AQP5: variants seen among roughly 807,000 people sequenced by gnomAD.
AQP5 encodes aquaporin 5, also known as aquaporin-5.
AQP5 carries 15 observed loss-of-function variants against 19.1 expected under a neutral mutation model. The ratio of observed to expected loss-of-function variants is 0.79; its 90% CI spans 0.53 to 1.21. The LOEUF is 1.21. Ranked by LOEUF, AQP5 falls within the 50% of genes most tolerant of loss-of-function variation. AQP5 has a pLI of 0.00. For missense variants in AQP5, 355 were observed against 357.1 expected (o/e 0.99, Z 0.05); for synonymous variants, 182 against 160.3 (o/e 1.14, Z -1.02).
rs1565641949 is a variant in AQP5 at position 49,965,295 on chromosome 12, T to A, written c.*118T>A. The A allele has an allele frequency of 8.1e-7, 1 of 1,233,210 alleles. No individual in the cohort carries two copies. The highest frequency in any genetic ancestry group is 1.5e-5 in the African/African-American group (1 of 65,612). The allele number at this position is 1,233,210 out of a possible 1,614,324, so 76.4% of individuals were successfully genotyped here. On this transcript the variant is annotated 3_prime_UTR_variant, in exon 4 of 4. Coordinates refer to ENST00000293599, the MANE Select transcript of AQP5 (RefSeq NM_001651.4). Reference sequence around the variant, plus strand: ...GTCCTCTTGGCTGAGGAGGAGGAGCTGGTCACCCTGGCTGCACAGTTAGAG... The same window carrying A: ...GTCCTCTTGGCTGAGGAGGAGGAGCAGGTCACCCTGGCTGCACAGTTAGAG...
In AQP5 at chr12:49,962,391, T is replaced by TGG. The variant is rs3832811; in HGVS notation, c.363+20_363+21dup. The stretch of plus-strand genomic sequence containing the variant: ...CTGGCCGTCAACGCGGTGAGTGCCC[T>TGG]GGGGGGGGGGTGGGAGCCTCGACCC... On this transcript the variant is annotated intron_variant, in intron 1 of 3. Transcript: ENST00000293599. The TGG allele has an allele frequency of 4.8e-4, 743 of 1,536,702 alleles. 7 individuals carry two copies. In the African/African-American group the frequency reaches 9.6e-3, roughly 20 times the overall value.
Position 49,963,406 on chromosome 12 carries a change from C to G in AQP5, c.364-86C>G, listed in dbSNP as rs568426637. 1.0e-5 allele frequency: 16 copies of G among 1,548,466 alleles called. No homozygotes were observed. The African/African-American group carries it at 1.8e-4, about 17-fold the overall frequency. ...CCAGGTGCCAAGGTGCTCTAAGTGTCCCTGGAGGCCAAAAGCCCTACTCCC... is the reference window on the plus strand; with the variant it reads ...CCAGGTGCCAAGGTGCTCTAAGTGTGCCTGGAGGCCAAAAGCCCTACTCCC... On this transcript the variant is annotated intron_variant, in intron 1 of 3. Transcript: ENST00000293599.
In AQP5 at chr12:49,961,886, G is replaced by T. The variant is rs1027035143; in HGVS notation, c.-132G>T. 2.5e-6 allele frequency: 1 copy of T among 396,894 alleles called. No individual in the cohort carries two copies. Among genetic ancestry groups the T allele is most frequent in the South Asian group, 1.0e-4 (1 of 10,040 alleles). 24.6% of individuals were successfully genotyped at this position (396,894 alleles called of 1,614,324 possible). On this transcript the variant is annotated 5_prime_UTR_variant, in exon 1 of 4. Coordinates refer to ENST00000293599, the MANE Select transcript of AQP5 (RefSeq NM_001651.4). ...GGGCCCGCGCCAGGCCGCCAGCCTC[G>T]GAGTGGGCGCGGGACAGTGCGCGGC... is the stretch of plus-strand genomic sequence containing the variant.
intron 1 of AQP5, among the ~76,000 whole-genome samples, chr12:49,963,171 C>A (rs1353291686): frequency 2.0e-5 from 3 of 152,222 alleles, no homozygotes; most frequent in Non-Finnish European, 2.9e-5. Flanking sequence ...GGCAGGCAAA[C>A]CGGGCAGCTG....
At chr12:49,962,538 C>CCAAGGCCAGGACGGCCAGAGCCTCCCA in intron 1 of AQP5, 158 bp downstream of exon 1, 1 of 954,598 alleles carries the variant, frequency 1.0e-6, no homozygotes, top group Non-Finnish European at 1.4e-6. Flanking sequence ...GGCAACTCTC[C>CCAAGGCCAGGACGGCCAGAGCCTCCCA]AGGCTGATAT....
intron 2 of AQP5, 120 bp from the exon 3 acceptor site, chr12:49,963,972 C>T: frequency 4.8e-6 from 5 of 1,045,746 alleles, no homozygotes; most frequent in Non-Finnish European, 7.2e-6. Context: ...GGAGAGGTTG[C>T]CAGCCTGAGT....
At position 49,964,191 on chromosome 12, in the gene AQP5, C is replaced by T. The variant is rs1592822457; in HGVS notation, c.612+16C>T. 3.7e-6 allele frequency: 6 copies of T among 1,610,890 alleles called. No individual in the cohort carries two copies. Among genetic ancestry groups the T allele is most frequent in the Admixed American group, 1.7e-5 (1 of 59,984 alleles). On this transcript the variant is annotated intron_variant, in intron 3 of 3. Transcript: ENST00000293599. ...CGCTCACTGGGTGAGTCTGTCCCTT[C>T]CCCTGGCTCCCTGGAGATGAGGGCC... is the stretch of plus-strand genomic sequence containing the variant.
Position 49,964,595 on chromosome 12 carries a change from C to CT in AQP5, c.613-397_613-396insT, listed in dbSNP as rs200605392. 2.3e-3 allele frequency: 2,254 copies of CT among 966,102 alleles called. 35 individuals are homozygous for CT. The highest frequency in any genetic ancestry group is 0.022 in the South Asian group (468 of 20,836). The allele number at this position is 966,102 out of a possible 1,614,324, so 59.8% of individuals were successfully genotyped here. The stretch of plus-strand genomic sequence containing the variant: ...TCCCTGTGGACAGTCTGTCTGCCCC[C>CT]CCTTTGGAAGCTCATGGTCACTCTC... On this transcript the variant is annotated intron_variant, in intron 3 of 3. Transcript: ENST00000293599.
intron 2 of AQP5, 62 bp downstream of exon 2, chr12:49,963,718 A>G: frequency 1.3e-6 from 2 of 1,566,438 alleles, no homozygotes; most frequent in Non-Finnish European, 1.7e-6. Context: ...CAAATAATGG[A>G]GCCCTGGAGC....
chr12:49,964,934 G>C, intron 3 of AQP5, 58 bp from the exon 4 acceptor site: 3 of 1,566,846 alleles, frequency 1.9e-6, no homozygotes, highest in Admixed American at 1.8e-5. Flanking sequence ...GGGGTGGGGG[G>C]CATGTGGTCT....
At chr12:49,963,753 C>T in intron 2 of AQP5, 97 bp downstream of exon 2, 3 of 1,445,376 alleles carry the variant, frequency 2.1e-6, no homozygotes, top group African/African-American at 1.4e-5. Context: ...ATGGATGAGT[C>T]CAGCAGAGTT....
At position 49,965,233 on chromosome 12, in the gene AQP5, AAAAGTACCT is replaced by A; in HGVS notation, c.*59_*67del. 1 of 1,485,872 alleles carries A rather than the reference AAAAGTACCT, an allele frequency of 6.7e-7. No homozygotes were observed. The highest frequency in any genetic ancestry group is 8.9e-7 in the Non-Finnish European group (1 of 1,122,242). 92.0% of individuals were successfully genotyped at this position (1,485,872 alleles called of 1,614,324 possible). On this transcript the variant is annotated 3_prime_UTR_variant, in exon 4 of 4. Transcript: ENST00000293599. ...CCCTGAGCCAAGGGGGAAAAGAAGA[AAAAGTACCT>A]AACACAAGCTTCCTTTTTGCACAAC...
At chr12:49,964,485 C>T (rs2242357) in intron 3 of AQP5, 40,359 of 294,408 alleles carry the variant, frequency 0.14, 4,932 homozygotes, top group African/African-American at 0.42. Flanking sequence ...TGTCCGTCCC[C>T]CTCGGTGTCT....
Position 49,961,930 on chromosome 12 carries a change from CG to C in AQP5, c.-87del. ...GCGCGGCGCCCCGCAGCCAGGCCCC[CG>C]CCCCCGCCGCATCCACCTCCTCCGC... is the stretch of plus-strand genomic sequence containing the variant. On this transcript the variant is annotated 5_prime_UTR_variant, in exon 1 of 4. Coordinates refer to ENST00000293599, the MANE Select transcript of AQP5 (RefSeq NM_001651.4). The C allele has an allele frequency of 1.2e-6, 1 of 847,826 alleles. No individual in the cohort carries two copies. Among genetic ancestry groups the C allele is most frequent in the Non-Finnish European group, 1.5e-6 (1 of 654,248 alleles). 52.5% of individuals were successfully genotyped at this position (847,826 alleles called of 1,614,324 possible).
intron 3 of AQP5, chr12:49,964,586 G>C: frequency 1.1e-6 from 1 of 942,388 alleles, no homozygotes; most frequent in Non-Finnish European, 1.3e-6. Flanking sequence ...TGGACAGTCT[G>C]TCTGCCCCCC....
Position 49,964,973 on chromosome 12 carries a change from C to T in AQP5, c.613-19C>T. On this transcript the variant is annotated intron_variant, in intron 3 of 3. Coordinates refer to ENST00000293599, the MANE Select transcript of AQP5 (RefSeq NM_001651.4). Reference sequence around the variant, plus strand: ...AGGTCTGGGGCTCAGCGCCCTGACTCCTGCCCTGTCTCCACCAGGTTTTCT... The same window carrying T: ...AGGTCTGGGGCTCAGCGCCCTGACTTCTGCCCTGTCTCCACCAGGTTTTCT... 1 of 1,607,416 alleles carries T rather than the reference C, an allele frequency of 6.2e-7. No individual in the cohort carries two copies. Among genetic ancestry groups the T allele is most frequent in the Non-Finnish European group, 8.5e-7 (1 of 1,176,784 alleles).
intron 3 of AQP5, chr12:49,964,611 G>A (rs1327159612): frequency 2.0e-6 from 2 of 982,196 alleles, no homozygotes; most frequent in African/African-American, 1.8e-5. Flanking sequence ...GGAAGCTCAT[G>A]GTCACTCTCT....
At chr12:49,962,676 C>T in intron 1 of AQP5, 2 of 349,974 alleles carry the variant, frequency 5.7e-6, no homozygotes, top group Non-Finnish European at 1.1e-5. Flanking sequence ...CCTTTGAGCT[C>T]CACCTTCCTC....
chr12:49,962,534 T>TCCCAAGGCTAGGAAGGCAAGAGC (rs1262546880), intron 1 of AQP5, 154 bp downstream of exon 1: 1 of 974,746 alleles, frequency 1.0e-6, no homozygotes, highest in Non-Finnish European at 1.4e-6. Context: ...GGAAGGCAAC[T>TCCCAAGGCTAGGAAGGCAAGAGC]CTCCAGGCTG....
Sources: allele counts gnomAD v4.1 joint callset (sites outside exome capture counted in the v4.1 genomes callset), GRCh38; gene constraint gnomAD v4.1.1; transcripts MANE v1.5; gene names NCBI Gene and HGNC (gene_info 2026-07-23, HGNC 2026-07-21).